CDH23: variants seen among roughly 807,000 people sequenced by gnomAD.
CDH23 encodes cadherin-23.
A neutral mutation model predicts 317.1 loss-of-function variants in CDH23; 189 were observed. The observed-to-expected ratio is 0.60, with a 90% CI of 0.53 to 0.67. The LOEUF (loss-of-function observed/expected upper bound fraction) is 0.67, where lower values mean the gene tolerates loss of function less well. Among genes scored for constraint, CDH23 ranks in the 30% least tolerant of loss-of-function variants. The pLI, the probability that CDH23 is intolerant of heterozygous loss-of-function variation, is 0.00. For missense variants in CDH23, 4,401 were observed against 4,592.4 expected, an observed-to-expected ratio of 0.96 and a Z score of 1.20; for synonymous variants, 1,839 against 1,876.8, an observed-to-expected ratio of 0.98 and a Z score of 0.52.
chr10:71,589,857 G>T (rs113370380), intron 9 of CDH23, among the ~76,000 whole-genome samples: 110 of 152,352 alleles, frequency 7.2e-4, no homozygotes, highest in East Asian at 4.0e-3. Flanking sequence ...GGATGTGTGG[G>T]AACGGACCTA....
intron 20 of CDH23, among the ~76,000 whole-genome samples, chr10:71,693,578 GT>G (rs1027458769): frequency 2.6e-5 from 4 of 152,188 alleles, no homozygotes; most frequent in African/African-American, 9.6e-5. Flanking sequence ...AACACCCGGT[GT>G]TTTTATTTCC....
At chr10:71,804,804 T>G (rs1314636909) in intron 55 of CDH23, among the ~76,000 whole-genome samples, 2 of 152,214 alleles carry the variant, frequency 1.3e-5, no homozygotes, top group African/African-American at 2.4e-5. Context: ...TTTTTTAACT[T>G]GATCAATCTT....
intron 19 of CDH23, among the ~76,000 whole-genome samples, chr10:71,689,113 G>GTGGTGGAGCCAGGGA (rs1564734044): frequency 8.8e-4 from 54 of 61,092 alleles, no homozygotes; most frequent in African/African-American, 2.9e-3. Context: ...GGAGTCAGGG[G>GTGGTGGAGCCAGGGA]TGGTGGAGCC....
Position 71,695,429 on chromosome 10 carries a change from C to A in CDH23, c.2301C>A (p.Thr767=), listed in dbSNP as rs1264502009. Reference sequence around the variant, plus strand: ...TTATGGCTTCACAGGTAAACATCACCCTCCTGGACATCAATGACAACCACC... The same window carrying A: ...TTATGGCTTCACAGGTAAACATCACACTCCTGGACATCAATGACAACCACC... ...QKTGIATVNI[T]LLDINDNHPT... Residue 767 remains threonine (T), a synonymous_variant, in exon 22 of 70, where the codon ACC becomes ACA. Transcript: ENST00000224721. 1 of 1,611,662 alleles carries A rather than the reference C, an allele frequency of 6.2e-7. No individual in the cohort carries two copies. Among genetic ancestry groups the A allele is most frequent in the East Asian group, 2.2e-5 (1 of 44,864 alleles).
intron 3 of CDH23, among the ~76,000 whole-genome samples, chr10:71,494,796 T>C (rs988980973): frequency 6.6e-6 from 1 of 152,166 alleles, no homozygotes; most frequent in Non-Finnish European, 1.5e-5. Flanking sequence ...TGGGTCCTGC[T>C]ACCCCGGCAC....
intron 12 of CDH23, among the ~76,000 whole-genome samples, chr10:71,645,423 C>G (rs927590089): frequency 2.0e-5 from 3 of 152,248 alleles, no homozygotes; most frequent in Non-Finnish European, 4.4e-5. Context: ...GGCCGCTTAA[C>G]TGCTTCTCTT....
At chr10:71,666,850 C>T (rs930343092) in intron 14 of CDH23, among the ~76,000 whole-genome samples, 3 of 152,202 alleles carry the variant, frequency 2.0e-5, no homozygotes, top group African/African-American at 7.2e-5. Context: ...GTTAATCTCA[C>T]ACAGTTTAAG....
At position 71,778,327 on chromosome 10, in the gene CDH23, G is replaced by A. The variant is rs781742214; in HGVS notation, c.5187+19G>A. ...CACCACGGTGGGTGCATGGGACACA[G>A]CCCCAACTTGGGCTTGGAGGTTGGC... On this transcript the variant is annotated intron_variant, in intron 40 of 69. Transcript: ENST00000224721. The A allele has an allele frequency of 8.1e-6, 13 of 1,613,550 alleles. No individual in the cohort carries two copies. In the Admixed American group the frequency reaches 2.2e-4, roughly 27 times the overall value.
At chr10:71,530,260 G>A (rs1855293301) in intron 6 of CDH23, among the ~76,000 whole-genome samples, 1 of 152,208 alleles carries the variant, frequency 6.6e-6, no homozygotes, top group Non-Finnish European at 1.5e-5. Flanking sequence ...CCTCCTTGGG[G>A]GCTCTGGACC....
At position 71,793,420 on chromosome 10, in the gene CDH23, C is replaced by G; in HGVS notation, c.6492C>G (p.Ile2164Met). The G allele has an allele frequency of 6.2e-7, 1 of 1,613,958 alleles. No homozygotes were observed. Among genetic ancestry groups the G allele is most frequent in the Non-Finnish European group, 8.5e-7 (1 of 1,179,880 alleles). The change falls in exon 48 of 70, where the codon ATC becomes ATG. Residue 2164 changes from isoleucine (I) to methionine (M), a missense_variant. By Grantham distance (10) the Ile-to-Met change is conservative. Coordinates refer to ENST00000224721, the MANE Select transcript of CDH23 (RefSeq NM_022124.6). ...LSGTAIVTIL[I>M]DDINDSRPEF... The stretch of plus-strand genomic sequence containing the variant: ...GCACAGCCATTGTCACCATTCTGAT[C>G]GATGACATCAATGACTCCCGCCCCG...
At chr10:71,777,228 G>C (rs10999995) in intron 38 of CDH23, among the ~76,000 whole-genome samples, 22,569 of 152,252 alleles carry the variant, frequency 0.15, 1,899 homozygotes, top group East Asian at 0.27. Flanking sequence ...ATATGGCATT[G>C]GGCCGAGTGC....
chr10:71,731,391 G>A (rs1050501021), intron 31 of CDH23, among the ~76,000 whole-genome samples: 4 of 152,196 alleles, frequency 2.6e-5, no homozygotes, highest in Non-Finnish European at 2.9e-5. Context: ...ATTCTCAGGC[G>A]GAATCTCAGG....
chr10:71,725,356 C>T lies in CDH23; in HGVS notation c.3431-16C>T. ...GGGCAGGGCCGGTGTTCCAGGGGGT[C>T]TGTCCCTCCACACAGGTAACCATGG... On this transcript the variant is annotated splice_polypyrimidine_tract_variant and intron_variant, in intron 29 of 69. Coordinates refer to ENST00000224721, the MANE Select transcript of CDH23 (RefSeq NM_022124.6). The T allele has an allele frequency of 1.2e-6, 2 of 1,613,968 alleles. No individual in the cohort carries two copies. Among genetic ancestry groups the T allele is most frequent in the Non-Finnish European group, 1.7e-6 (2 of 1,179,872 alleles).
In CDH23 at chr10:71,695,808, C is replaced by T. The variant is rs183901173; in HGVS notation, c.2397+283C>T. ...GTGGCAGGGGAGCTCTGGCCGGTTC[C>T]GCTTGTGAGCCACACGTGCCCTTAG... On this transcript the variant is annotated intron_variant, in intron 22 of 69. Coordinates refer to ENST00000224721, the MANE Select transcript of CDH23 (RefSeq NM_022124.6). Among the ~76,000 whole-genome samples, 117 of 152,298 alleles carry T rather than the reference C, an allele frequency of 7.7e-4. 5 individuals are homozygous for T. Among genetic ancestry groups the T allele is most frequent in the African/African-American group, 2.7e-3 (114 of 41,560 alleles).
chr10:71,558,960 C>A (rs1856995772), intron 6 of CDH23, among the ~76,000 whole-genome samples: 1 of 152,180 alleles, frequency 6.6e-6, no homozygotes, highest in African/African-American at 2.4e-5. Context: ...GAGTCCAGAA[C>A]CCAACTAACT....
rs533941173 is a variant in CDH23 at position 71,556,397 on chromosome 10, T to G, written c.430-10345T>G. Among the ~76,000 whole-genome samples the G allele has an allele frequency of 3.9e-5, 6 of 151,976 alleles. No individual in the cohort carries two copies. In the East Asian group the frequency reaches 1.2e-3, roughly 29 times the overall value. On this transcript the variant is annotated intron_variant, in intron 6 of 69. Coordinates refer to ENST00000224721, the MANE Select transcript of CDH23 (RefSeq NM_022124.6). ...AGGCAGATCACTTGAGGTCAGGAGT[T>G]CAAGACCAGCCTGGCCAACATGGTA...
chr10:71,469,910 G>A (rs1161719301), intron 3 of CDH23, among the ~76,000 whole-genome samples: 2 of 152,128 alleles, frequency 1.3e-5, no homozygotes, highest in Admixed American at 6.5e-5. Context: ...TGGCCCATTT[G>A]TGTACTTTGT....
chr10:71,707,944 C>G (rs1349745313), intron 26 of CDH23, among the ~76,000 whole-genome samples: 6 of 152,158 alleles, frequency 3.9e-5, no homozygotes, highest in Admixed American at 3.9e-4. Flanking sequence ...CCTCCCAGCC[C>G]TCAGCCTTCC....
chr10:71,803,900 G>A (rs1308545087), intron 55 of CDH23, among the ~76,000 whole-genome samples: 1 of 144,944 alleles, frequency 6.9e-6, no homozygotes, highest in Non-Finnish European at 1.5e-5. Context: ...CAGGATAATC[G>A]CTTGAACCCG....
Sources: gnomAD v4.1 joint callset for allele counts (sites outside exome capture counted in the v4.1 genomes callset) on GRCh38, gnomAD v4.1.1 for gene constraint, MANE v1.5 for transcripts, NCBI Gene and HGNC (gene_info 2026-07-23, HGNC 2026-07-21) for gene names.